The following SMDT1 variants were observed in gnomAD, a reference collection of about 807,000 sequenced individuals.
The protein encoded by SMDT1 is essential MCU regulator, mitochondrial.
Under a neutral mutation model 5.9 loss-of-function variants are expected in SMDT1, and 6 were observed. The observed-to-expected ratio is 1.03, with a 90% CI of 0.56 to 2.02. The LOEUF is 2.02. Among genes scored for constraint, SMDT1 ranks in the 30% most tolerant of loss-of-function variants. SMDT1 has a pLI of 0.00. For missense variants in SMDT1, 159 were observed against 145.6 expected (o/e 1.09, Z -0.47); for synonymous variants, 81 against 62.4 (o/e 1.30, Z -1.40).
At chr22:42,083,084 G>A (rs574099999) in intron 2 of SMDT1, 35 bp from the exon 3 acceptor site, 1 of 152,646 alleles carries the variant, frequency 6.6e-6, no homozygotes, top group East Asian at 1.9e-4. Context: ...AGACTACGCT[G>A]TTGCCCAGTT....
At chr22:42,082,982 T>C (rs946149328) in intron 2 of SMDT1, 137 bp from the exon 3 acceptor site, 1 of 152,218 alleles carries the variant, frequency 6.6e-6, no homozygotes, top group Non-Finnish European at 1.5e-5. Context: ...CCAGTTAACG[T>C]GCGCATGAAC....
At chr22:42,082,574 C>T (rs1280715107) in intron 2 of SMDT1, among the ~76,000 whole-genome samples, 1 of 152,210 alleles carries the variant, frequency 6.6e-6, no homozygotes, top group East Asian at 1.9e-4. Flanking sequence ...CTTAGCCTGG[C>T]ATTCAAGGCT....
Position 42,079,974 on chromosome 22 carries a change from C to T in SMDT1, c.186+20C>T, listed in dbSNP as rs372143831. 1.2e-4 allele frequency: 200 copies of T among 1,601,130 alleles called. No homozygotes were observed. Among genetic ancestry groups the T allele is most frequent in the Middle Eastern group, 3.3e-4 (2 of 6,034 alleles). Reference sequence around the variant, plus strand: ...GTGAAAGTGAGTGTCCTCCTGGAGACGGGGCGAAGGGGCTGAGGCCAATCA... The same window carrying T: ...GTGAAAGTGAGTGTCCTCCTGGAGATGGGGCGAAGGGGCTGAGGCCAATCA... On this transcript the variant is annotated intron_variant, in intron 1 of 2. Coordinates refer to ENST00000331479, the MANE Select transcript of SMDT1 (RefSeq NM_033318.5).
Position 42,079,775 on chromosome 22 carries a change from T to TC in SMDT1, c.9dup (p.Gly4ArgfsTer21), listed in dbSNP as rs1192014447. Reference sequence around the variant, plus strand: ...GAGGGGCGGAGCTGGGGGCATGGCGTCCGGAGCGGCTCGCTGGCTAGTATT... The same window carrying TC: ...GAGGGGCGGAGCTGGGGGCATGGCGTCCCGGAGCGGCTCGCTGGCTAGTATT... On this transcript the variant is annotated frameshift_variant, in exon 1 of 3. Transcript: ENST00000331479. LOFTEE classifies it high-confidence loss of function. 1.9e-6 allele frequency: 3 copies of TC among 1,607,044 alleles called. No individual in the cohort carries two copies. In the Admixed American group the frequency reaches 5.0e-5, roughly 27 times the overall value.
rs1927965118 is a variant in SMDT1 at position 42,083,802 on chromosome 22, G to A, written c.*687G>A. ...TCAGAAAACAGCAGGCTGTTTCTCA[G>A]ATCTTCTCCTGACCTCCTTTCACCT... is the stretch of plus-strand genomic sequence containing the variant. On this transcript the variant is annotated 3_prime_UTR_variant, in exon 3 of 3. Transcript: ENST00000331479. 1 of 152,164 alleles carries A rather than the reference G, an allele frequency of 6.6e-6. No homozygotes were observed. The highest frequency in any genetic ancestry group is 1.5e-5 in the Non-Finnish European group (1 of 68,032). 9.4% of individuals were successfully genotyped at this position (152,164 alleles called of 1,614,324 possible). A position where few individuals can be genotyped will look rare whatever the true frequency, so the allele number is the denominator to read the frequency against.
chr22:42,081,197 A>C, intron 1 of SMDT1, among the ~76,000 whole-genome samples: 1 of 147,112 alleles, frequency 6.8e-6, no homozygotes, highest in Non-Finnish European at 1.5e-5. Context: ...ACGGAGTCTC[A>C]CTCTGTCACC....
At chr22:42,080,805 G>T (rs1280230510) in intron 1 of SMDT1, among the ~76,000 whole-genome samples, 1 of 152,192 alleles carries the variant, frequency 6.6e-6, no homozygotes, top group East Asian at 1.9e-4. Flanking sequence ...ATGTTGCTGA[G>T]ATTTTACTGA....
intron 1 of SMDT1, 25 bp downstream of exon 1, chr22:42,079,979 C>T (rs752450521): frequency 1.0e-5 from 16 of 1,596,166 alleles, no homozygotes; most frequent in South Asian, 5.7e-5. Flanking sequence ...GGAGACGGGG[C>T]GAAGGGGCTG....
chr22:42,082,115 G>C, intron 2 of SMDT1, 50 bp downstream of exon 2: 6 of 1,598,622 alleles, frequency 3.8e-6, no homozygotes, highest in Middle Eastern at 1.7e-4. Context: ...TGGAGCATCT[G>C]TCTGTGATGC....
At position 42,079,782 on chromosome 22, in the gene SMDT1, C is replaced by A; in HGVS notation, c.14C>A (p.Ala5Glu). The change falls in exon 1 of 3, where the codon GCG (alanine) becomes GAG (glutamate). Residue 5 changes from alanine (A) to glutamate (E), a missense_variant. Ala to Glu is a moderately radical substitution (Grantham distance 107). Coordinates refer to ENST00000331479, the MANE Select transcript of SMDT1 (RefSeq NM_033318.5). ...GGAGCTGGGGGCATGGCGTCCGGAG[C>A]GGCTCGCTGGCTAGTATTGGCACCC... The part of the protein sequence containing the change: MASG[A>E]ARWLVLAPVR... 1 of 1,605,654 alleles carries A rather than the reference C, an allele frequency of 6.2e-7. No homozygotes were observed. The highest frequency in any genetic ancestry group is 8.5e-7 in the Non-Finnish European group (1 of 1,178,382).
rs1245927692 is a variant in SMDT1 at position 42,079,928 on chromosome 22, G to A, written c.160G>A (p.Gly54Ser). ...GAGGTCAGTCATCGTTACCCGCAGC[G>A]GCGCCATTTTGCCCAAACCGGTGAA... ...PSRSVIVTRSGAILPKPVKMS... is the reference protein window; with the variant it reads ...PSRSVIVTRSSAILPKPVKMS... Residue 54 changes from glycine (G) to serine (S), a missense_variant, in exon 1 of 3, where the codon GGC becomes AGC. Transcript: ENST00000331479. 5.0e-6 allele frequency: 8 copies of A among 1,613,280 alleles called. No individual in the cohort carries two copies. Among genetic ancestry groups the A allele is most frequent in the East Asian group, 4.5e-5 (2 of 44,868 alleles).
intron 1 of SMDT1, 61 bp downstream of exon 1, chr22:42,080,015 G>A: frequency 6.6e-7 from 1 of 1,525,388 alleles, no homozygotes; most frequent in Admixed American, 2.0e-5. Flanking sequence ...GGGAGTGCGT[G>A]AGGGCGGCGC....
chr22:42,079,782 C>T lies in SMDT1; in HGVS notation c.14C>T (p.Ala5Val), dbSNP rs776628036. The change falls in exon 1 of 3, where the codon GCG becomes GTG. Residue 5 changes from alanine (A) to valine (V), a missense_variant. Coordinates refer to ENST00000331479, the MANE Select transcript of SMDT1 (RefSeq NM_033318.5). MASG[A>V]ARWLVLAPVR... ...GGAGCTGGGGGCATGGCGTCCGGAG[C>T]GGCTCGCTGGCTAGTATTGGCACCC... 1.5e-4 allele frequency: 238 copies of T among 1,605,536 alleles called. 1 individual carries two copies. In the Middle Eastern group the frequency reaches 1.7e-3, roughly 11 times the overall value.
At chr22:42,082,789 G>A (rs1032733856) in intron 2 of SMDT1, among the ~76,000 whole-genome samples, 15 of 152,068 alleles carry the variant, frequency 9.9e-5, no homozygotes, top group African/African-American at 3.1e-4. Context: ...TGAAGTCTTC[G>A]TTCCTCCTTT....
intron 1 of SMDT1, among the ~76,000 whole-genome samples, chr22:42,081,674 C>A (rs1480735966): frequency 1.3e-5 from 2 of 151,372 alleles, no homozygotes; most frequent in African/African-American, 4.9e-5. Flanking sequence ...GTTGGCCAGG[C>A]TGGTCTCAAG....
Position 42,079,902 on chromosome 22 carries a change from C to G in SMDT1, c.134C>G (p.Ser45Trp). ...WSGSGRSLVP[S>W]RSVIVTRSGA... ...GGCTCAGGCCGGAGCCTGGTACCGT[C>G]GAGGTCAGTCATCGTTACCCGCAGC... Residue 45 changes from serine (S) to tryptophan (W), a missense_variant, in exon 1 of 3, where the codon TCG becomes TGG. Transcript: ENST00000331479. 6.2e-7 allele frequency: 1 copy of G among 1,614,002 alleles called. No homozygotes were observed. The highest frequency in any genetic ancestry group is 8.5e-7 in the Non-Finnish European group (1 of 1,179,958).
At position 42,084,196 on chromosome 22, in the gene SMDT1, G is replaced by A. The variant is rs1252044155; in HGVS notation, c.*1081G>A. The A allele has an allele frequency of 6.6e-6, 1 of 152,188 alleles. No homozygotes were observed. Among genetic ancestry groups the A allele is most frequent in the Non-Finnish European group, 1.5e-5 (1 of 68,062 alleles). 9.4% of individuals were successfully genotyped at this position (152,188 alleles called of 1,614,324 possible). A position where few individuals can be genotyped will look rare whatever the true frequency, so the allele number is the denominator to read the frequency against. On this transcript the variant is annotated 3_prime_UTR_variant, in exon 3 of 3. Coordinates refer to ENST00000331479, the MANE Select transcript of SMDT1 (RefSeq NM_033318.5). ...AAAGTGGCACGCCTGGAGAGAACTTGGAAGCTCCACGCCCCTTCTATACCT... is the reference window on the plus strand; with the variant it reads ...AAAGTGGCACGCCTGGAGAGAACTTAGAAGCTCCACGCCCCTTCTATACCT...
At chr22:42,079,986 GC>G (rs758698203) in intron 1 of SMDT1, 32 bp downstream of exon 1, 1 of 1,585,964 alleles carries the variant, frequency 6.3e-7, no homozygotes, top group Non-Finnish European at 8.6e-7. Context: ...GGGCGAAGGG[GC>G]TGAGGCCAAT....
intron 2 of SMDT1, 64 bp downstream of exon 2, chr22:42,082,129 C>G: frequency 1.9e-6 from 3 of 1,587,760 alleles, no homozygotes; most frequent in East Asian, 2.2e-5. Flanking sequence ...GTGATGCAGT[C>G]TGGCCTGGTA....
Sources: gnomAD v4.1 joint callset for allele counts (sites outside exome capture counted in the v4.1 genomes callset) on GRCh38, gnomAD v4.1.1 for gene constraint, MANE v1.5 for transcripts, NCBI Gene and HGNC (gene_info 2026-07-23, HGNC 2026-07-21) for gene names.